Variants in SGCZ observed in about 807,000 individuals in gnomAD.
The protein encoded by SGCZ is zeta-sarcoglycan.
In SGCZ, 40 loss-of-function variants were observed where a neutral mutation model predicts 41.3. That is an observed-to-expected ratio of 0.97 (90% CI 0.75 to 1.26). SGCZ has a LOEUF of 1.26. Among genes scored for constraint, SGCZ ranks in the 50% most tolerant of loss-of-function variants. The pLI, the probability that SGCZ is intolerant of heterozygous loss-of-function variation, is 0.00. For missense variants in SGCZ, 552 were observed against 369.8 expected (o/e 1.49, Z -4.04); for synonymous variants, 206 against 137.5 (o/e 1.50, Z -3.49).
intron 2 of SGCZ, among the ~76,000 whole-genome samples, chr8:14,383,251 G>C (rs1268405354): frequency 6.6e-6 from 1 of 152,126 alleles, no homozygotes; most frequent in Non-Finnish European, 1.5e-5. Flanking sequence ...AAAATGTCAA[G>C]AATACAAAGC....
At chr8:14,641,792 C>A (rs1436949631) in intron 1 of SGCZ, among the ~76,000 whole-genome samples, 2 of 151,578 alleles carry the variant, frequency 1.3e-5, no homozygotes, top group Non-Finnish European at 3.0e-5. Flanking sequence ...TGTAGAGTTT[C>A]TTTCCCATTC....
At chr8:15,198,219 A>G (rs1800791386) in intron 1 of SGCZ, among the ~76,000 whole-genome samples, 1 of 151,778 alleles carries the variant, frequency 6.6e-6, no homozygotes, top group Admixed American at 6.6e-5. Flanking sequence ...AGTGTAGCTA[A>G]AAATCTTCAC....
chr8:14,631,829 C>T (rs1319850778), intron 1 of SGCZ, among the ~76,000 whole-genome samples: 1 of 152,002 alleles, frequency 6.6e-6, no homozygotes, highest in Non-Finnish European at 1.5e-5. Flanking sequence ...GCCTTTAATA[C>T]ATATGCTTTA....
chr8:14,575,498 G>A (rs1804678646), intron 1 of SGCZ, among the ~76,000 whole-genome samples: 1 of 152,138 alleles, frequency 6.6e-6, no homozygotes, highest in South Asian at 2.1e-4. Flanking sequence ...CATTTATAAA[G>A]AAGAAAAGAT....
rs184186380 is a variant in SGCZ, at chr8:14,673,547, C to A, written c.40-118621G>T. On this transcript the variant is annotated intron_variant, in intron 1 of 7. Transcript: ENST00000382080. ...CGCCATGATTGTAAGTTTCCTGAGG[C>A]CTCCCAATCCATGTGGAACTGTGAG... Among the ~76,000 whole-genome samples, 20 of 152,124 alleles carry A rather than the reference C, an allele frequency of 1.3e-4. No individual in the cohort carries two copies. In the East Asian group the frequency reaches 3.9e-3, roughly 29 times the overall value.
intron 5 of SGCZ, among the ~76,000 whole-genome samples, chr8:14,157,188 C>T (rs185483400): frequency 6.6e-6 from 1 of 151,440 alleles, no homozygotes; most frequent in African/African-American, 2.4e-5. Context: ...GAAATTTTAT[C>T]TCCATCATAA....
intron 1 of SGCZ, among the ~76,000 whole-genome samples, chr8:15,100,450 A>G (rs1806562129): frequency 6.6e-6 from 1 of 152,234 alleles, no homozygotes; most frequent in South Asian, 2.1e-4. Flanking sequence ...AAAGAAATCA[A>G]AGAATATCTA....
intron 5 of SGCZ, among the ~76,000 whole-genome samples, chr8:14,118,679 G>T (rs1183707466): frequency 1.3e-5 from 2 of 152,102 alleles, no homozygotes; most frequent in Non-Finnish European, 2.9e-5. Context: ...TTCTTCCAGG[G>T]TTTTTATGGT....
chr8:14,265,433 C>G (rs1799835436), intron 3 of SGCZ, among the ~76,000 whole-genome samples: 1 of 152,120 alleles, frequency 6.6e-6, no homozygotes, highest in Non-Finnish European at 1.5e-5. Context: ...AACGCTGGAT[C>G]TCTATGTGTG....
intron 4 of SGCZ, among the ~76,000 whole-genome samples, chr8:14,217,894 G>A (rs1171736641): frequency 1.3e-5 from 2 of 151,950 alleles, no homozygotes; most frequent in South Asian, 2.1e-4. Context: ...GCCTCCCAAA[G>A]TGCTGGGATT....
intron 1 of SGCZ, among the ~76,000 whole-genome samples, chr8:14,888,757 A>AG (rs752954874): frequency 2.5e-4 from 38 of 152,306 alleles, no homozygotes; most frequent in Middle Eastern, 3.4e-3. Context: ...TCTGCTACTG[A>AG]AACACATTGT....
intron 1 of SGCZ, among the ~76,000 whole-genome samples, chr8:14,847,482 T>C (rs890378934): frequency 6.7e-6 from 1 of 149,498 alleles, no homozygotes; most frequent in Non-Finnish European, 1.5e-5. Context: ...CTCAAGTGAA[T>C]CTATGTAATT....
At chr8:14,574,141 G>A (rs78706969) in intron 1 of SGCZ, among the ~76,000 whole-genome samples, 4,479 of 152,186 alleles carry the variant, frequency 0.029, 87 homozygotes, top group East Asian at 0.059. Flanking sequence ...ATTTGATGCA[G>A]GTTTCATATA....
intron 3 of SGCZ, among the ~76,000 whole-genome samples, chr8:14,277,970 A>C (rs1313528992): frequency 6.6e-6 from 1 of 152,126 alleles, no homozygotes; most frequent in Non-Finnish European, 1.5e-5. Context: ...CCCAGACAGA[A>C]TTTTTATCTA....
At chr8:14,448,820 C>A (rs1585528566) in intron 2 of SGCZ, among the ~76,000 whole-genome samples, 1 of 151,472 alleles carries the variant, frequency 6.6e-6, no homozygotes, top group Admixed American at 6.6e-5. Flanking sequence ...TCTGACTCTT[C>A]CCTATACTAC....
intron 1 of SGCZ, among the ~76,000 whole-genome samples, chr8:14,773,427 C>G (rs1286013648): frequency 1.3e-5 from 2 of 152,200 alleles, no homozygotes; most frequent in South Asian, 4.1e-4. Context: ...TGTTCCTGGT[C>G]GTGGGTTTTC....
chr8:14,680,870 A>G lies in SGCZ; in HGVS notation c.40-125944T>C, dbSNP rs117009362. On this transcript the variant is annotated intron_variant, in intron 1 of 7. Transcript: ENST00000382080. ...ATGAAATATATACTGGACAGGATTAACAGCACATTGGACACTCAGAAGAAA... is the reference window on the plus strand; with the variant it reads ...ATGAAATATATACTGGACAGGATTAGCAGCACATTGGACACTCAGAAGAAA... Among the ~76,000 whole-genome samples the G allele has an allele frequency of 5.7e-4, 86 of 150,172 alleles. No homozygotes were observed. The East Asian group carries it at 0.012, about 21-fold the overall frequency.
At chr8:15,208,214 T>C (rs1801131114) in intron 1 of SGCZ, among the ~76,000 whole-genome samples, 2 of 152,324 alleles carry the variant, frequency 1.3e-5, no homozygotes, top group South Asian at 2.1e-4. Context: ...CAGGGTTTGC[T>C]GGAAAACGAT....
rs558118755 is a variant in SGCZ, at chr8:14,780,466, A to G, written c.40-225540T>C. Among the ~76,000 whole-genome samples, 24 of 152,056 alleles carry G rather than the reference A, an allele frequency of 1.6e-4. 1 individual carries two copies. The highest frequency in any genetic ancestry group is 5.9e-5 in the Non-Finnish European group (4 of 68,010). On this transcript the variant is annotated intron_variant, in intron 1 of 7. Transcript: ENST00000382080. The stretch of plus-strand genomic sequence containing the variant: ...ACATATTGAACCTAAAGAATTTCAT[A>G]TAGCCTATCATGTGTCATCTATTGT...
Sources: gnomAD v4.1 joint callset for allele counts (sites outside exome capture counted in the v4.1 genomes callset) on GRCh38, gnomAD v4.1.1 for gene constraint, MANE v1.5 for transcripts, NCBI Gene and HGNC (gene_info 2026-07-23, HGNC 2026-07-21) for gene names.